Variants in ATRNL1 observed in about 807,000 individuals in gnomAD.
ATRNL1 encodes the protein attractin like 1.
ATRNL1 carries 95 observed loss-of-function variants against 182.7 expected under a neutral mutation model. The observed-to-expected ratio is 0.52, with a 90% confidence interval of 0.44 to 0.62. The LOEUF (loss-of-function observed/expected upper bound fraction) is 0.62, where lower values mean the gene tolerates loss of function less well. Among genes scored for constraint, ATRNL1 ranks in the 20% least tolerant of loss-of-function variants. The probability of loss-of-function intolerance (pLI) is 0.00; values close to 1 mark genes in which losing one functional copy is unlikely to be tolerated. For synonymous variants in ATRNL1, 576 were observed against 568.3 expected, an observed-to-expected ratio of 1.01 and a Z score of -0.19; for missense variants, 1,471 against 1,679.5, an observed-to-expected ratio of 0.88 and a Z score of 2.17.
At chr10:115,138,193 C>T (rs1554877156) in intron 5 of ATRNL1, among the ~76,000 whole-genome samples, 2 of 152,222 alleles carry the variant, frequency 1.3e-5, no homozygotes, top group Non-Finnish European at 2.9e-5. Context: ...TTTAGTCCCA[C>T]CTCCCACTTG....
intron 27 of ATRNL1, among the ~76,000 whole-genome samples, chr10:115,759,870 T>C (rs1449579786): frequency 6.9e-6 from 1 of 144,620 alleles, no homozygotes; most frequent in Admixed American, 6.9e-5. Context: ...TTTTTTTGTA[T>C]TTTTAGTAGA....
chr10:115,286,101 T>C, intron 14 of ATRNL1, 115 bp from the exon 15 acceptor site: 1 of 578,206 alleles, frequency 1.7e-6, no homozygotes, highest in Non-Finnish European at 3.0e-6. Flanking sequence ...TTGAGATATT[T>C]AATATGTTTT....
At chr10:115,720,585 A>G (rs1312552216) in intron 26 of ATRNL1, among the ~76,000 whole-genome samples, 3 of 152,168 alleles carry the variant, frequency 2.0e-5, no homozygotes, top group African/African-American at 7.2e-5. Flanking sequence ...CATGAGACTG[A>G]TTTTACATTG....
intron 28 of ATRNL1, among the ~76,000 whole-genome samples, chr10:115,873,134 A>G (rs1453525100): frequency 6.6e-6 from 1 of 152,224 alleles, no homozygotes; most frequent in Non-Finnish European, 1.5e-5. Context: ...TCAGAAAGAT[A>G]TTCATTTGTC....
chr10:115,365,371 C>G (rs11516957), intron 19 of ATRNL1, among the ~76,000 whole-genome samples: 508 of 150,704 alleles, frequency 3.4e-3, no homozygotes, highest in Non-Finnish European at 6.3e-3. Flanking sequence ...GTGATATCCC[C>G]TTTATCATTT....
At chr10:115,912,424 G>A (rs958064729) in intron 28 of ATRNL1, among the ~76,000 whole-genome samples, 6 of 151,814 alleles carry the variant, frequency 4.0e-5, no homozygotes, top group African/African-American at 1.2e-4. Context: ...ATTTGTGTGT[G>A]TGTGTGTGTG....
chr10:115,849,905 A>C (rs1951015520), intron 28 of ATRNL1, among the ~76,000 whole-genome samples: 1 of 152,196 alleles, frequency 6.6e-6, no homozygotes, highest in African/African-American at 2.4e-5. Flanking sequence ...CATTTGGATG[A>C]ATACTGAAAA....
At chr10:115,654,920 C>T (rs1860239740) in intron 26 of ATRNL1, among the ~76,000 whole-genome samples, 1 of 152,130 alleles carries the variant, frequency 6.6e-6, no homozygotes, top group South Asian at 2.1e-4. Context: ...TGACAATTTC[C>T]ACTTCTTGTC....
At chr10:115,111,446 G>A (rs999114686) in intron 1 of ATRNL1, among the ~76,000 whole-genome samples, 4 of 152,222 alleles carry the variant, frequency 2.6e-5, no homozygotes, top group African/African-American at 9.6e-5. Context: ...CATGGCACCA[G>A]CATCTGCTTG....
chr10:115,687,720 G>A (rs1946262633), intron 26 of ATRNL1, among the ~76,000 whole-genome samples: 1 of 151,940 alleles, frequency 6.6e-6, no homozygotes, highest in African/African-American at 2.4e-5. Flanking sequence ...GTCCATGGGA[G>A]TGTTTGTTGC....
intron 26 of ATRNL1, among the ~76,000 whole-genome samples, chr10:115,670,398 A>G (rs138659627): frequency 0.013 from 1,907 of 152,256 alleles, 38 homozygotes; most frequent in African/African-American, 0.044. Context: ...GTGAAAAAGA[A>G]TGCAATGGAT....
At chr10:115,843,741 T>G (rs1950863561) in intron 27 of ATRNL1, among the ~76,000 whole-genome samples, 1 of 152,092 alleles carries the variant, frequency 6.6e-6, no homozygotes, top group South Asian at 2.1e-4. Context: ...CAAGACATGG[T>G]CAGCACACGT....
intron 17 of ATRNL1, among the ~76,000 whole-genome samples, chr10:115,308,798 A>G (rs546912923): frequency 1.3e-5 from 2 of 152,048 alleles, no homozygotes; most frequent in African/African-American, 2.4e-5. Flanking sequence ...TTTTTGTTGC[A>G]TTTGATTTTG....
At chr10:115,783,132 C>T (rs905058439) in intron 27 of ATRNL1, among the ~76,000 whole-genome samples, 1 of 152,080 alleles carries the variant, frequency 6.6e-6, no homozygotes, top group Non-Finnish European at 1.5e-5. Context: ...TCTAATGGCA[C>T]TGCAGAGGTG....
chr10:115,178,659 G>A (rs1438898097), intron 8 of ATRNL1, among the ~76,000 whole-genome samples: 2 of 152,116 alleles, frequency 1.3e-5, no homozygotes, highest in African/African-American at 4.8e-5. Flanking sequence ...GCTGTCATGA[G>A]TGGATTAGTG....
chr10:115,480,494 C>T (rs1848717499), intron 24 of ATRNL1, among the ~76,000 whole-genome samples: 2 of 150,666 alleles, frequency 1.3e-5, no homozygotes. Flanking sequence ...TGTCATTTAA[C>T]CAACCAAGGT....
At chr10:115,861,864 G>A (rs782272199) in intron 28 of ATRNL1, among the ~76,000 whole-genome samples, 2 of 152,050 alleles carry the variant, frequency 1.3e-5, no homozygotes, top group Non-Finnish European at 2.9e-5. Flanking sequence ...AGTGCTTTGA[G>A]AGGCCAAGGT....
chr10:115,890,215 C>T (rs948908659), intron 28 of ATRNL1, among the ~76,000 whole-genome samples: 13 of 152,076 alleles, frequency 8.5e-5, no homozygotes, highest in Admixed American at 6.6e-5. Context: ...GGTGGTGGAC[C>T]GTTAGAGCAC....
intron 26 of ATRNL1, among the ~76,000 whole-genome samples, chr10:115,670,210 T>C (rs1233767562): frequency 1.3e-5 from 2 of 152,104 alleles, no homozygotes; most frequent in Non-Finnish European, 2.9e-5. Context: ...TCATACTTTA[T>C]ACAGTTATGG....
Sources: allele counts gnomAD v4.1 joint callset (sites outside exome capture counted in the v4.1 genomes callset), GRCh38; gene constraint gnomAD v4.1.1; transcripts MANE v1.5; gene names NCBI Gene and HGNC (gene_info 2026-07-23, HGNC 2026-07-21).